YPEL2: variants seen among roughly 807,000 people sequenced by gnomAD.
YPEL2 encodes the protein yippee like 2.
YPEL2 carries 2 observed loss-of-function variants against 19.1 expected under a neutral mutation model. The observed-to-expected ratio is 0.10, with a 90% CI of 0.04 to 0.33. YPEL2 has a LOEUF of 0.33. Among genes scored for constraint, YPEL2 ranks in the 10% least tolerant of loss-of-function variants. The probability of loss-of-function intolerance (pLI) is 1.00; values close to 1 mark genes in which losing one functional copy is unlikely to be tolerated. For synonymous variants in YPEL2, 52 were observed against 50.0 expected, an observed-to-expected ratio of 1.04 and a Z score of -0.17; for missense variants, 66 against 140.7, an observed-to-expected ratio of 0.47 and a Z score of 2.68.
chr17:59,393,409 A>G (rs2048018127), intron 4 of YPEL2, among the ~76,000 whole-genome samples: 1 of 150,522 alleles, frequency 6.6e-6, no homozygotes, highest in African/African-American at 2.4e-5. Context: ...GGTTAGGATT[A>G]TGGGTGTGAG....
intron 2 of YPEL2, among the ~76,000 whole-genome samples, chr17:59,373,766 T>G (rs2047907826): frequency 6.6e-6 from 1 of 152,212 alleles, no homozygotes; most frequent in Admixed American, 6.5e-5. Flanking sequence ...GCTGTTTTGC[T>G]CAGGAGATGA....
At chr17:59,392,065 G>A (rs535720941) in intron 4 of YPEL2, among the ~76,000 whole-genome samples, 1 of 152,126 alleles carries the variant, frequency 6.6e-6, no homozygotes, top group African/African-American at 2.4e-5. Flanking sequence ...ATGATGGGTG[G>A]GGGACACAGT....
Position 59,353,505 on chromosome 17 carries a change from T to C in YPEL2, c.96T>C (p.Asn32=). 6.2e-7 allele frequency: 1 copy of C among 1,614,116 alleles called. No individual in the cohort carries two copies. Among genetic ancestry groups the C allele is most frequent in the Non-Finnish European group, 8.5e-7 (1 of 1,179,942 alleles). ...SCIHCRAHLA[N]HDELISKSFQ... is the part of the protein sequence containing the mutation. Reference sequence around the variant, plus strand: ...TTCACTGCAGAGCTCACTTGGCCAATCATGATGAACTAATTTCCAAGGTAC... The same window carrying C: ...TTCACTGCAGAGCTCACTTGGCCAACCATGATGAACTAATTTCCAAGGTAC... Residue 32 remains asparagine (N), a synonymous_variant, in exon 2 of 5, where the codon AAT becomes AAC. Coordinates refer to ENST00000312655, the MANE Select transcript of YPEL2 (RefSeq NM_001005404.4). The surrounding 1 kb of genome is among the most constrained non-coding windows in gnomAD (Gnocchi z 4.8).
intron 1 of YPEL2, among the ~76,000 whole-genome samples, chr17:59,333,655 C>T (rs1026194775): frequency 2.6e-4 from 40 of 152,040 alleles, no homozygotes; most frequent in Non-Finnish European, 4.7e-4. Flanking sequence ...CTGGTTATGA[C>T]CCATTAATTT....
chr17:59,358,573 G>A (rs914009336), intron 2 of YPEL2, among the ~76,000 whole-genome samples: 3 of 151,754 alleles, frequency 2.0e-5, no homozygotes, highest in African/African-American at 7.3e-5. Context: ...CAGTTCCCAC[G>A]GCTCATCAGT....
rs2048051105 is a variant in YPEL2 at position 59,398,240 on chromosome 17, C to T, written c.*1050C>T. ...CCAGGAGGAGGGGTTTACATTGGAA[C>T]CAGTTCAGGTTCGGTGCATCTTTCC... On this transcript the variant is annotated 3_prime_UTR_variant, in exon 5 of 5. Coordinates refer to ENST00000312655, the MANE Select transcript of YPEL2 (RefSeq NM_001005404.4). The T allele has an allele frequency of 6.6e-6, 1 of 152,212 alleles. No individual in the cohort carries two copies. Among genetic ancestry groups the T allele is most frequent in the South Asian group, 2.1e-4 (1 of 4,824 alleles). 9.4% of individuals were successfully genotyped at this position (152,212 alleles called of 1,614,324 possible). A position where few individuals can be genotyped will look rare whatever the true frequency, so the allele number is the denominator to read the frequency against.
At chr17:59,344,180 C>CA (rs2047744942) in intron 1 of YPEL2, among the ~76,000 whole-genome samples, 1 of 152,096 alleles carries the variant, frequency 6.6e-6, no homozygotes, top group Admixed American at 6.5e-5. Flanking sequence ...AGGCATGAGC[C>CA]ACTGTGCCCA....
intron 2 of YPEL2, among the ~76,000 whole-genome samples, chr17:59,370,477 G>A (rs1012034375): frequency 6.6e-6 from 1 of 152,198 alleles, no homozygotes; most frequent in African/African-American, 2.4e-5. Flanking sequence ...CCTCAGGCCA[G>A]GCAGGCTAGA....
intron 1 of YPEL2, among the ~76,000 whole-genome samples, chr17:59,342,806 G>A (rs2047738377): frequency 6.6e-6 from 1 of 152,102 alleles, no homozygotes. Context: ...TCATTTTTTT[G>A]TGACTCATTC....
At chr17:59,336,148 G>C (rs1023400689) in intron 1 of YPEL2, among the ~76,000 whole-genome samples, 1 of 152,186 alleles carries the variant, frequency 6.6e-6, no homozygotes, top group African/African-American at 2.4e-5. Flanking sequence ...CCAAGGTTTA[G>C]AATCTCTAGA....
intron 2 of YPEL2, among the ~76,000 whole-genome samples, chr17:59,382,895 G>A (rs1037065398): frequency 1.3e-5 from 2 of 152,044 alleles, no homozygotes; most frequent in African/African-American, 2.4e-5. Flanking sequence ...CTCCTGCCTC[G>A]GCCTCCCAAA....
chr17:59,342,032 A>G (rs958391716), intron 1 of YPEL2, among the ~76,000 whole-genome samples: 6 of 152,206 alleles, frequency 3.9e-5, no homozygotes, highest in Non-Finnish European at 8.8e-5. Flanking sequence ...AGTTTTTAAA[A>G]AGTTCAATTT....
In YPEL2 at chr17:59,353,546, C is replaced by G. The variant is rs190882471; in HGVS notation, c.117+20C>G. The G allele has an allele frequency of 3.8e-6, 6 of 1,588,510 alleles. No individual in the cohort carries two copies. In the African/African-American group the frequency reaches 6.7e-5, roughly 18 times the overall value. On this transcript the variant is annotated intron_variant, in intron 2 of 4. Coordinates refer to ENST00000312655, the MANE Select transcript of YPEL2 (RefSeq NM_001005404.4). This position sits in a 1 kb window ranked among gnomAD's most constrained non-coding sequence, Gnocchi z 4.8. ...TCCAAGGTACACATTTCCAGCAGGC[C>G]TTCCTTGCCTACCCCGGGGAGGGCG...
intron 2 of YPEL2, among the ~76,000 whole-genome samples, chr17:59,360,641 G>A (rs1379794383): frequency 6.6e-6 from 1 of 152,176 alleles, no homozygotes; most frequent in African/African-American, 2.4e-5. Context: ...CACCCAGGAA[G>A]GGGTGGCAGG....
At chr17:59,382,854 G>A (rs938696994) in intron 2 of YPEL2, among the ~76,000 whole-genome samples, 1 of 152,150 alleles carries the variant, frequency 6.6e-6, no homozygotes, top group African/African-American at 2.4e-5. Context: ...TGTTGACCAG[G>A]CTGGTCTCAA....
intron 2 of YPEL2, among the ~76,000 whole-genome samples, chr17:59,378,454 C>T (rs1408146561): frequency 6.6e-6 from 1 of 151,748 alleles, no homozygotes; most frequent in Non-Finnish European, 1.5e-5. Flanking sequence ...AAGCAGTTCT[C>T]ATGCCTCAGC....
intron 4 of YPEL2, among the ~76,000 whole-genome samples, chr17:59,390,805 A>C (rs1281748575): frequency 6.6e-6 from 1 of 152,150 alleles, no homozygotes; most frequent in African/African-American, 2.4e-5. Context: ...GTGGTTAAGA[A>C]CCATCTAGGC....
chr17:59,360,063 G>A (rs972019580), intron 2 of YPEL2, among the ~76,000 whole-genome samples: 1 of 151,454 alleles, frequency 6.6e-6, no homozygotes, highest in African/African-American at 2.4e-5. Context: ...CCACACCCAG[G>A]TAATTTTTAA....
chr17:59,352,786 G>A (rs2047793854), intron 1 of YPEL2, among the ~76,000 whole-genome samples: 1 of 152,196 alleles, frequency 6.6e-6, no homozygotes, highest in Admixed American at 6.5e-5. Flanking sequence ...GAGAAACCCA[G>A]GTGTGACTGT....
Sources: gnomAD v4.1 joint callset for allele counts (sites outside exome capture counted in the v4.1 genomes callset) on GRCh38, gnomAD v4.1.1 for gene constraint, Gnocchi (gnomAD v3.1) non-coding constraint, MANE v1.5 for transcripts, NCBI Gene and HGNC (gene_info 2026-07-23, HGNC 2026-07-21) for gene names.